SYBU: variants seen among roughly 807,000 people sequenced by gnomAD.
The protein encoded by SYBU is syntabulin, also known as GOLSYN A protein.
SYBU carries 21 observed loss-of-function variants against 35.9 expected under a neutral mutation model. The ratio of observed to expected loss-of-function variants is 0.58; its 90% CI spans 0.41 to 0.84. The LOEUF (loss-of-function observed/expected upper bound fraction) is 0.84, where lower values mean the gene tolerates loss of function less well. Ranked by LOEUF, SYBU falls within the 40% of genes least tolerant of loss-of-function variation. The probability of loss-of-function intolerance (pLI) is 0.00; values close to 1 mark genes in which losing one functional copy is unlikely to be tolerated. For synonymous variants in SYBU, 319 were observed against 324.3 expected (o/e 0.98, Z 0.18); for missense variants, 768 against 848.2 (o/e 0.91, Z 1.17).
intron 4 of SYBU, among the ~76,000 whole-genome samples, chr8:109,581,829 G>A (rs776260314): frequency 6.6e-6 from 1 of 152,004 alleles, no homozygotes; most frequent in Non-Finnish European, 1.5e-5. Context: ...TAAATAAAAC[G>A]TAACCAAGTT....
intron 3 of SYBU, among the ~76,000 whole-genome samples, chr8:109,594,898 T>A (rs937506901): frequency 3.3e-5 from 5 of 152,196 alleles, no homozygotes; most frequent in African/African-American, 9.7e-5. Flanking sequence ...AAAAATAATA[T>A]GGTTTAGTAG....
At chr8:109,580,503 A>T (rs994670788) in intron 4 of SYBU, 1 of 158,200 alleles carries the variant, frequency 6.3e-6, no homozygotes, top group Non-Finnish European at 1.4e-5. Context: ...AGATAAACAG[A>T]GCACACATAA....
chr8:109,676,248 A>G (rs2130774999), intron 1 of SYBU, among the ~76,000 whole-genome samples: 1 of 152,358 alleles, frequency 6.6e-6, no homozygotes, highest in East Asian at 1.9e-4. Flanking sequence ...ACCCTCCGTC[A>G]TCACTCCTAT....
intron 1 of SYBU, among the ~76,000 whole-genome samples, chr8:109,654,914 C>A (rs1816293237): frequency 6.6e-6 from 1 of 152,184 alleles, no homozygotes; most frequent in African/African-American, 2.4e-5. Flanking sequence ...TTCTCTACCA[C>A]CTCTTCCTGC....
intron 1 of SYBU, among the ~76,000 whole-genome samples, chr8:109,659,142 A>T (rs1167285815): frequency 6.6e-6 from 1 of 152,208 alleles, no homozygotes; most frequent in Non-Finnish European, 1.5e-5. Context: ...GATGAAAAAG[A>T]ACTGGGCTTG....
intron 3 of SYBU, chr8:109,607,801 A>T (rs1444294166): frequency 4.6e-6 from 2 of 434,334 alleles, no homozygotes; most frequent in Non-Finnish European, 7.6e-6. Context: ...GGCCTACCAC[A>T]ACTAACTCAC....
chr8:109,657,274 T>C (rs1207674711), intron 1 of SYBU, among the ~76,000 whole-genome samples: 3 of 152,192 alleles, frequency 2.0e-5, no homozygotes, highest in African/African-American at 7.2e-5. Context: ...TGTAGACCAG[T>C]CACTGTCCCA....
intron 2 of SYBU, among the ~76,000 whole-genome samples, chr8:109,637,640 G>T (rs536024863): frequency 6.6e-6 from 1 of 151,994 alleles, no homozygotes; most frequent in African/African-American, 2.4e-5. Flanking sequence ...ATTTGGAATT[G>T]CAGCTCACTT....
intron 3 of SYBU, among the ~76,000 whole-genome samples, chr8:109,609,720 C>T (rs781332993): frequency 6.6e-6 from 1 of 152,150 alleles, no homozygotes; most frequent in Non-Finnish European, 1.5e-5. Flanking sequence ...GCTATGATCA[C>T]ACCACTGAAC....
chr8:109,619,166 G>A lies in SYBU; in HGVS notation c.230-127C>T, dbSNP rs1812154715. The A allele has an allele frequency of 4.4e-6, 3 of 678,932 alleles. No individual in the cohort carries two copies. The African/African-American group carries it at 5.3e-5, about 12-fold the overall frequency. The allele number at this position is 678,932 out of a possible 1,614,324, so 42.1% of individuals were successfully genotyped here. A position where few individuals can be genotyped will look rare whatever the true frequency, so the allele number is the denominator to read the frequency against. On this transcript the variant is annotated intron_variant, in intron 2 of 6. Transcript: ENST00000276646. The stretch of plus-strand genomic sequence containing the variant: ...CGTACACTCTGCTTATGAAGCCCAG[G>A]TTAACTGCTGTGGACTCTCCTCTCA...
At chr8:109,615,257 A>G (rs1014390655) in intron 3 of SYBU, among the ~76,000 whole-genome samples, 3 of 152,164 alleles carry the variant, frequency 2.0e-5, no homozygotes, top group Non-Finnish European at 2.9e-5. Context: ...TTATTTTTAA[A>G]AAAGTAGAGC....
chr8:109,624,190 T>TA (rs1812735209), intron 2 of SYBU, among the ~76,000 whole-genome samples: 1 of 151,938 alleles, frequency 6.6e-6, no homozygotes, highest in African/African-American at 2.4e-5. Context: ...CATGGTCATA[T>TA]AAAAAAACAC....
rs753415899 is a variant in SYBU at position 109,641,046 on chromosome 8, C to A, written c.229+1682G>T. Among the ~76,000 whole-genome samples the A allele has an allele frequency of 2.6e-5, 4 of 152,286 alleles. No homozygotes were observed. In the South Asian group the frequency reaches 6.2e-4, roughly 24 times the overall value. On this transcript the variant is annotated intron_variant, in intron 2 of 6. Coordinates refer to ENST00000276646, the MANE Select transcript of SYBU (RefSeq NM_001099754.2). ...TGTTTCTTCTCATACATGTGTTAATCTTCAAGTTCCATGTTCCCTAAATAA... is the reference window on the plus strand; with the variant it reads ...TGTTTCTTCTCATACATGTGTTAATATTCAAGTTCCATGTTCCCTAAATAA...
chr8:109,650,507 G>T (rs1316283474), intron 1 of SYBU, among the ~76,000 whole-genome samples: 1 of 152,168 alleles, frequency 6.6e-6, no homozygotes, highest in African/African-American at 2.4e-5. Context: ...GGAATGGTTG[G>T]GCTGTTGGTG....
chr8:109,638,317 A>C (rs1196899373), intron 2 of SYBU, among the ~76,000 whole-genome samples: 1 of 152,200 alleles, frequency 6.6e-6, no homozygotes, highest in African/African-American at 2.4e-5. Context: ...CGGCTTTTCT[A>C]ACAGTGGCTA....
intron 3 of SYBU, chr8:109,607,882 A>G (rs1404037621): frequency 3.4e-6 from 4 of 1,166,924 alleles, no homozygotes; most frequent in Non-Finnish European, 4.9e-6. Flanking sequence ...CAATATAATT[A>G]TTTACTTACT....
chr8:109,671,847 T>C (rs900296292), intron 1 of SYBU, among the ~76,000 whole-genome samples: 1 of 152,206 alleles, frequency 6.6e-6, no homozygotes, highest in African/African-American at 2.4e-5. Context: ...GAATTAAAAA[T>C]GAGTTATTAG....
intron 3 of SYBU, among the ~76,000 whole-genome samples, chr8:109,604,209 T>A (rs1389528679): frequency 6.6e-6 from 1 of 151,470 alleles, no homozygotes; most frequent in African/African-American, 2.4e-5. Context: ...CAATAGAATT[T>A]AAAAAAAAAC....
At chr8:109,608,084 C>A in intron 3 of SYBU, 2 of 755,994 alleles carry the variant, frequency 2.6e-6, no homozygotes, top group Non-Finnish European at 4.1e-6. Flanking sequence ...ATGTGCAGGG[C>A]AAGGAAGTTA....
Sources: allele counts gnomAD v4.1 joint callset (sites outside exome capture counted in the v4.1 genomes callset), GRCh38; gene constraint gnomAD v4.1.1; transcripts MANE v1.5; gene names NCBI Gene and HGNC (gene_info 2026-07-23, HGNC 2026-07-21).